The following DLG1 variants were observed in gnomAD, a reference collection of about 807,000 sequenced individuals.
DLG1 encodes the protein disks large homolog 1.
DLG1 carries 42 observed loss-of-function variants against 123.4 expected under a neutral mutation model. The ratio of observed to expected loss-of-function variants is 0.34; its 90% CI spans 0.27 to 0.44. The LOEUF is 0.44. DLG1 is among the 20% of genes least tolerant of loss of function. DLG1 has a pLI of 1.00. For synonymous variants in DLG1, 317 were observed against 356.2 expected (o/e 0.89, Z 1.24); for missense variants, 942 against 1,082.6 (o/e 0.87, Z 1.82).
chr3:197,260,452 A>G (rs1758832660), intron 4 of DLG1: 1 of 208,210 alleles, frequency 4.8e-6, no homozygotes, highest in Non-Finnish European at 9.9e-6. Flanking sequence ...AGAGGTAGCA[A>G]TTTTTCTACT....
At chr3:197,065,925 C>T (rs1337906861) in intron 20 of DLG1, 116 bp from the exon 21 acceptor site, 1 of 598,848 alleles carries the variant, frequency 1.7e-6, no homozygotes, top group African/African-American at 1.9e-5. Context: ...TTTCTTCCCT[C>T]TCCATCTCAC....
intron 4 of DLG1, among the ~76,000 whole-genome samples, chr3:197,210,013 T>C (rs1375055799): frequency 1.4e-5 from 2 of 146,322 alleles, no homozygotes; most frequent in African/African-American, 4.9e-5. Flanking sequence ...TCTGGACTTT[T>C]ATCTCTCCCA....
At chr3:197,276,544 T>C (rs1379598760) in intron 4 of DLG1, among the ~76,000 whole-genome samples, 1 of 152,242 alleles carries the variant, frequency 6.6e-6, no homozygotes, top group Non-Finnish European at 1.5e-5. Flanking sequence ...CCACATTTAT[T>C]TCTTCTTCTT....
chr3:197,056,224 C>G (rs1187788950), intron 23 of DLG1, among the ~76,000 whole-genome samples: 1 of 152,144 alleles, frequency 6.6e-6, no homozygotes, highest in Non-Finnish European at 1.5e-5. Flanking sequence ...GAGACAGATT[C>G]CCAGAGCTTC....
In DLG1 at chr3:197,237,105, A is replaced by G. The variant is rs1271139682; in HGVS notation, c.319-42516T>C. Among the ~76,000 whole-genome samples, 9 of 152,342 alleles carry G rather than the reference A, an allele frequency of 5.9e-5. No individual in the cohort carries two copies. In the East Asian group the frequency reaches 1.7e-3, roughly 29 times the overall value. On this transcript the variant is annotated intron_variant, in intron 4 of 24. Coordinates refer to ENST00000667157, the MANE Select transcript of DLG1 (RefSeq NM_001366207.1). Reference sequence around the variant, plus strand: ...CTTGTACCATAACAACTAGAAAAAAAAGATAAACATATCTTTTAAAGACAA... The same window carrying G: ...CTTGTACCATAACAACTAGAAAAAAGAGATAAACATATCTTTTAAAGACAA...
chr3:197,166,224 G>A (rs184391522), intron 5 of DLG1, among the ~76,000 whole-genome samples: 3 of 152,174 alleles, frequency 2.0e-5, no homozygotes, highest in Non-Finnish European at 4.4e-5. Flanking sequence ...CCTGAGCAGC[G>A]TGAGAAGGGC....
intron 16 of DLG1, among the ~76,000 whole-genome samples, chr3:197,083,286 A>G (rs992513537): frequency 6.6e-5 from 10 of 152,220 alleles, no homozygotes; most frequent in Non-Finnish European, 1.5e-4. Flanking sequence ...AATAGTTACG[A>G]AATAGGTATA....
At chr3:197,077,973 T>A (rs1335679468) in intron 17 of DLG1, among the ~76,000 whole-genome samples, 1 of 151,880 alleles carries the variant, frequency 6.6e-6, no homozygotes, top group East Asian at 1.9e-4. Flanking sequence ...ACAAGAACAG[T>A]GTGTTTTTGG....
intron 5 of DLG1, among the ~76,000 whole-genome samples, chr3:197,159,340 CT>C (rs1797846737): frequency 6.6e-6 from 1 of 152,100 alleles, no homozygotes; most frequent in Non-Finnish European, 1.5e-5. Flanking sequence ...AGACTATATA[CT>C]TTTTAAAAAG....
chr3:197,172,620 T>C (rs1804799530), intron 5 of DLG1, among the ~76,000 whole-genome samples: 2 of 152,160 alleles, frequency 1.3e-5, no homozygotes, highest in South Asian at 2.1e-4. Context: ...GGGCAATAGA[T>C]TGGGTAGGTA....
rs754502731 is a variant in DLG1 at position 197,136,650 on chromosome 3, A to C, written c.912T>G (p.Val304=). The part of the protein sequence containing the change: ...KGLGFSIAGG[V]GNQHIPGDNS... ...TATCCCCAGGAATATGCTGATTTCCAACACCTCCAGCAATGCTAAACCCAA... is the reference window on the plus strand; with the variant it reads ...TATCCCCAGGAATATGCTGATTTCCCACACCTCCAGCAATGCTAAACCCAA... Residue 304 remains valine (V), a synonymous_variant, in exon 10 of 25, where the codon GTT becomes GTG. Transcript: ENST00000667157. 1 of 1,613,252 alleles carries C rather than the reference A, an allele frequency of 6.2e-7. No homozygotes were observed. Among genetic ancestry groups the C allele is most frequent in the Admixed American group, 1.7e-5 (1 of 59,914 alleles).
chr3:197,294,997 T>C (rs998954212), intron 3 of DLG1, among the ~76,000 whole-genome samples: 3 of 152,194 alleles, frequency 2.0e-5, no homozygotes, highest in African/African-American at 4.8e-5. Context: ...AATGTTGATT[T>C]AGAAAACAAA....
chr3:197,095,507 C>T lies in DLG1; in HGVS notation c.1547-4481G>A, dbSNP rs569124189. On this transcript the variant is annotated intron_variant, in intron 14 of 24. Transcript: ENST00000667157. ...TCTCAATTTGGGTTTGCCTGAAGTT[C>T]CCACACAATTAGATTGAAGTTATCC... is the stretch of plus-strand genomic sequence containing the variant. Among the ~76,000 whole-genome samples the T allele has an allele frequency of 3.9e-5, 6 of 152,150 alleles. No individual in the cohort carries two copies. The East Asian group carries it at 9.7e-4, about 25-fold the overall frequency.
intron 4 of DLG1, among the ~76,000 whole-genome samples, chr3:197,256,225 G>C (rs1457515827): frequency 6.6e-6 from 1 of 152,230 alleles, no homozygotes; most frequent in African/African-American, 2.4e-5. Flanking sequence ...AAAGTCTAGA[G>C]AGTAAGTATT....
intron 6 of DLG1, among the ~76,000 whole-genome samples, chr3:197,146,952 G>A (rs1042967341): frequency 4.6e-5 from 7 of 151,866 alleles, no homozygotes; most frequent in South Asian, 2.1e-4. Context: ...AAATCAGCAA[G>A]AAAAAAACAA....
chr3:197,276,646 C>G (rs1025385442), intron 4 of DLG1, among the ~76,000 whole-genome samples: 1 of 152,072 alleles, frequency 6.6e-6, no homozygotes, highest in African/African-American at 2.4e-5. Context: ...GTTGAAAGGA[C>G]TGGAAATTAA....
At chr3:197,297,353 C>G in intron 1 of DLG1, 118 bp from the exon 2 acceptor site, 2 of 1,486,030 alleles carry the variant, frequency 1.3e-6, no homozygotes, top group Admixed American at 4.8e-5. Context: ...AAAGTTTTAC[C>G]AAGTCAAAGA....
chr3:197,232,230 G>A (rs1449166144), intron 4 of DLG1, among the ~76,000 whole-genome samples: 1 of 151,954 alleles, frequency 6.6e-6, no homozygotes, highest in African/African-American at 2.4e-5. Context: ...ACCAGGCATG[G>A]TGGCTCACTC....
intron 3 of DLG1, among the ~76,000 whole-genome samples, chr3:197,291,206 A>T (rs531491264): frequency 7.4e-6 from 1 of 135,950 alleles, no homozygotes; most frequent in Non-Finnish European, 1.6e-5. Flanking sequence ...AAAACCATCA[A>T]GTGAGAAGTT....
Sources: gnomAD v4.1 joint callset for allele counts (sites outside exome capture counted in the v4.1 genomes callset) on GRCh38, gnomAD v4.1.1 for gene constraint, MANE v1.5 for transcripts, NCBI Gene and HGNC (gene_info 2026-07-23, HGNC 2026-07-21) for gene names.